The following DMBT1 variants were observed in gnomAD, a reference collection of about 807,000 sequenced individuals.
DMBT1 encodes the protein deleted in malignant brain tumors 1.
DMBT1 carries 198 observed loss-of-function variants against 252.9 expected under a neutral mutation model. The observed-to-expected ratio is 0.78, with a 90% confidence interval of 0.70 to 0.88. The LOEUF (loss-of-function observed/expected upper bound fraction) is 0.88. DMBT1 is among the 40% of genes least tolerant of loss of function. The probability of loss-of-function intolerance (pLI) is 0.00; values close to 1 mark genes in which losing one functional copy is unlikely to be tolerated. For synonymous variants in DMBT1, 990 were observed against 942.7 expected, an observed-to-expected ratio of 1.05 and a Z score of -0.92; for missense variants, 2,432 against 2,404.7, an observed-to-expected ratio of 1.01 and a Z score of -0.24.
intron 52 of DMBT1, among the ~76,000 whole-genome samples, chr10:122,634,367 T>C (rs1198871613): frequency 3.4e-5 from 4 of 117,334 alleles, no homozygotes; most frequent in Non-Finnish European, 1.7e-5. Flanking sequence ...TTTCTTTCTT[T>C]CTTTCTTTCT....
At chr10:122,630,243 C>G in intron 47 of DMBT1, 45 bp from the exon 48 acceptor site, 1 of 1,567,850 alleles carries the variant, frequency 6.4e-7, no homozygotes, top group Non-Finnish European at 8.8e-7. Context: ...AATGGAGGGG[C>G]AATAGGAATT....
At chr10:122,578,166 G>C (rs1175423423) in intron 8 of DMBT1, among the ~76,000 whole-genome samples, 1 of 152,180 alleles carries the variant, frequency 6.6e-6, no homozygotes. Context: ...TGAGAATTGA[G>C]GGTGAGACCC....
At chr10:122,573,239 G>A (rs1392301065) in intron 5 of DMBT1, among the ~76,000 whole-genome samples, 2 of 152,206 alleles carry the variant, frequency 1.3e-5, no homozygotes, top group African/African-American at 4.8e-5. Context: ...AGGGGGCATC[G>A]TCCTCCATGC....
intron 17 of DMBT1, among the ~76,000 whole-genome samples, chr10:122,590,325 G>C (rs1302927935): frequency 8.7e-5 from 13 of 148,964 alleles, no homozygotes; most frequent in Non-Finnish European, 1.9e-4. Flanking sequence ...CTGTGGGCTG[G>C]GCTAGAAGAT....
intron 44 of DMBT1, 135 bp from the exon 45 acceptor site, chr10:122,625,142 A>G: frequency 1.2e-6 from 1 of 810,294 alleles, no homozygotes; most frequent in Non-Finnish European, 2.1e-6. Context: ...TAAGGTTTAT[A>G]TCTACTATTC....
chr10:122,599,299 A>G (rs1366789494), intron 26 of DMBT1, among the ~76,000 whole-genome samples: 1 of 152,128 alleles, frequency 6.6e-6, no homozygotes, highest in Non-Finnish European at 1.5e-5. Context: ...ACCAAACTCA[A>G]ACAACCCAGA....
intron 46 of DMBT1, among the ~76,000 whole-genome samples, chr10:122,627,003 T>G (rs1246313957): frequency 6.6e-6 from 1 of 152,128 alleles, no homozygotes; most frequent in Non-Finnish European, 1.5e-5. Context: ...CTGCAGGAAA[T>G]CTGTCGGGTG....
At chr10:122,580,984 G>T in intron 11 of DMBT1, 89 bp downstream of exon 11, 2 of 1,540,324 alleles carry the variant, frequency 1.3e-6, no homozygotes, top group African/African-American at 1.4e-5. Context: ...CTGTTTCTCT[G>T]TGTGGATACT....
intron 49 of DMBT1, 57 bp downstream of exon 49, chr10:122,631,338 G>C: frequency 3.2e-6 from 5 of 1,582,132 alleles, no homozygotes; most frequent in South Asian, 2.3e-5. Flanking sequence ...TAAAGCAAGA[G>C]CTTAAGGCCA....
intron 7 of DMBT1, among the ~76,000 whole-genome samples, chr10:122,577,391 T>C (rs1010754913): frequency 1.4e-4 from 22 of 152,124 alleles, no homozygotes; most frequent in Non-Finnish European, 2.8e-4. Flanking sequence ...AATGGTGGGC[T>C]CACGAGTGAG....
chr10:122,629,701 G>A, intron 46 of DMBT1, 139 bp from the exon 47 acceptor site: 2 of 1,023,838 alleles, frequency 2.0e-6, no homozygotes, highest in South Asian at 1.7e-5. Context: ...GCCCAAGAGA[G>A]GGGACTTGTT....
chr10:122,577,672 G>A (rs1311996843), intron 7 of DMBT1, 139 bp from the exon 8 acceptor site: 1 of 893,212 alleles, frequency 1.1e-6, no homozygotes, highest in Admixed American at 2.4e-5. Flanking sequence ...GGGCTTCACG[G>A]TGGGCACTGG....
intron 2 of DMBT1, among the ~76,000 whole-genome samples, chr10:122,568,927 C>G (rs2981781): frequency 0.69 from 104,593 of 152,128 alleles, 36,162 homozygotes; most frequent in East Asian, 0.77. Flanking sequence ...TATCACCTTG[C>G]TCTGTGTATC....
Position 122,598,022 on chromosome 10 carries a change from C to G in DMBT1, c.2956+10C>G. On this transcript the variant is annotated intron_variant, in intron 25 of 55. Transcript: ENST00000338354. The stretch of plus-strand genomic sequence containing the variant: ...CCTGCATCGACAGTAGGTAAATATT[C>G]CTCTCGCCCCTCCCTAGGGCTCACT... 2 of 1,613,902 alleles carry G rather than the reference C, an allele frequency of 1.2e-6. No homozygotes were observed. Among genetic ancestry groups the G allele is most frequent in the Non-Finnish European group, 1.7e-6 (2 of 1,179,852 alleles).
chr10:122,600,724 T>A (rs1252072675), intron 27 of DMBT1, among the ~76,000 whole-genome samples: 4 of 152,142 alleles, frequency 2.6e-5, no homozygotes, highest in African/African-American at 7.2e-5. Context: ...CATCAGCAGA[T>A]GTGGGATGGC....
At chr10:122,584,624 A>T (rs1356869691) in intron 14 of DMBT1, among the ~76,000 whole-genome samples, 1 of 148,984 alleles carries the variant, frequency 6.7e-6, no homozygotes, top group African/African-American at 2.4e-5. Context: ...GTGGCCTCAT[A>T]TTTAAATAGC....
intron 44 of DMBT1, 80 bp downstream of exon 44, chr10:122,621,460 C>T: frequency 6.3e-7 from 1 of 1,594,608 alleles, no homozygotes; most frequent in Admixed American, 1.7e-5. Flanking sequence ...TTCTGATCTC[C>T]TCACTCAAAG....
intron 50 of DMBT1, 48 bp from the exon 51 acceptor site, chr10:122,632,813 G>T (rs1011920435): frequency 6.2e-7 from 1 of 1,606,686 alleles, no homozygotes; most frequent in South Asian, 1.1e-5. Flanking sequence ...CGACAGCTGT[G>T]TCAGGGATGC....
chr10:122,579,248 A>T (rs1415794272), intron 9 of DMBT1, among the ~76,000 whole-genome samples: 1 of 152,100 alleles, frequency 6.6e-6, no homozygotes, highest in Non-Finnish European at 1.5e-5. Flanking sequence ...AGATAGGACC[A>T]TGCTCCTGAA....
Sources: allele counts gnomAD v4.1 joint callset (sites outside exome capture counted in the v4.1 genomes callset), GRCh38; gene constraint gnomAD v4.1.1; transcripts MANE v1.5; gene names NCBI Gene and HGNC (gene_info 2026-07-23, HGNC 2026-07-21).